Variants in MLLT10 observed in about 807,000 individuals in gnomAD.
The protein encoded by MLLT10 is MLLT10 histone lysine methyltransferase DOT1L cofactor, also known as protein AF-10.
Under a neutral mutation model 129.1 loss-of-function variants are expected in MLLT10, and 30 were observed. That is an observed-to-expected ratio of 0.23 (90% CI 0.17 to 0.32). The LOEUF is 0.32. MLLT10 is among the 10% of genes least tolerant of loss of function. The pLI is 1.00. For synonymous variants in MLLT10, 490 were observed against 446.4 expected (o/e 1.10, Z -1.23); for missense variants, 1,119 against 1,268.3 (o/e 0.88, Z 1.79).
intron 18 of MLLT10, among the ~76,000 whole-genome samples, 197 bp downstream of exon 18, chr10:21,733,284 A>G (rs562308613): frequency 6.6e-6 from 1 of 152,318 alleles, no homozygotes; most frequent in South Asian, 2.1e-4. Context: ...ATAATGGTAA[A>G]ATTTACTTAA....
rs182913458 is a variant in MLLT10 at position 21,606,163 on chromosome 10, G to T, written c.406-6185G>T. 5.3e-5 allele frequency among the ~76,000 whole-genome samples: 8 copies of T among 152,266 alleles called. No homozygotes were observed. The East Asian group carries it at 1.5e-3, about 29-fold the overall frequency. On this transcript the variant is annotated intron_variant, in intron 5 of 22. Transcript: ENST00000307729. ...TGTATGTGTTCTGACTGCTGTACCA[G>T]CTGGCTGTTCCCTCATCTCTCTCTA...
intron 3 of MLLT10, among the ~76,000 whole-genome samples, chr10:21,561,062 T>C (rs1255984983): frequency 6.6e-6 from 1 of 152,182 alleles, no homozygotes; most frequent in African/African-American, 2.4e-5. Context: ...TTCGCTCTGT[T>C]GAGAGTCATG....
chr10:21,556,080 A>C (rs1039436934), intron 3 of MLLT10, among the ~76,000 whole-genome samples: 2 of 148,730 alleles, frequency 1.3e-5, no homozygotes, highest in Non-Finnish European at 3.0e-5. Flanking sequence ...GGTTCAGGCA[A>C]TTCTCCTGCC....
At chr10:21,542,705 A>T (rs937968177) in intron 3 of MLLT10, among the ~76,000 whole-genome samples, 5 of 152,312 alleles carry the variant, frequency 3.3e-5, no homozygotes, top group African/African-American at 1.2e-4. Flanking sequence ...CCTGGACAAC[A>T]TAGTGAGACC....
chr10:21,632,905 TA>T lies in MLLT10; in HGVS notation c.699+15700del, dbSNP rs2047131387. Among the ~76,000 whole-genome samples, 3 of 152,320 alleles carry T rather than the reference TA, an allele frequency of 2.0e-5. No individual in the cohort carries two copies. In the South Asian group the frequency reaches 6.2e-4, roughly 32 times the overall value. On this transcript the variant is annotated intron_variant, in intron 8 of 22. Coordinates refer to ENST00000307729, the MANE Select transcript of MLLT10 (RefSeq NM_001195626.3). ...AGTAAACTATGACACAGCAGTATTATAATACATAACCTGATTTTAGAGATTT... is the reference window on the plus strand; with the variant it reads ...AGTAAACTATGACACAGCAGTATTATATACATAACCTGATTTTAGAGATTT...
chr10:21,621,338 A>G (rs1349351122), intron 8 of MLLT10, among the ~76,000 whole-genome samples: 16 of 126,144 alleles, frequency 1.3e-4, no homozygotes, highest in Middle Eastern at 4.9e-3. Flanking sequence ...TCCGCCTTCC[A>G]GGTTCACGCC....
chr10:21,638,270 G>T, intron 8 of MLLT10, among the ~76,000 whole-genome samples: 2 of 96,594 alleles, frequency 2.1e-5, no homozygotes, highest in African/African-American at 4.2e-5. Flanking sequence ...GGGGAGGGGG[G>T]CGGGGGCACT....
At chr10:21,534,605 TTG>T in intron 1 of MLLT10, 38 bp from the exon 2 acceptor site, 1 of 1,588,958 alleles carries the variant, frequency 6.3e-7, no homozygotes, top group South Asian at 1.1e-5. Flanking sequence ...ACTAATCGGC[TTG>T]CATGTGTTTT....
intron 3 of MLLT10, among the ~76,000 whole-genome samples, chr10:21,550,440 T>C (rs2036810636): frequency 6.6e-6 from 1 of 152,226 alleles, no homozygotes; most frequent in Non-Finnish European, 1.5e-5. Flanking sequence ...ATCTTTAGTC[T>C]ATGTTGCTGT....
intron 3 of MLLT10, among the ~76,000 whole-genome samples, chr10:21,562,265 A>G (rs556300668): frequency 5.3e-5 from 8 of 151,832 alleles, no homozygotes; most frequent in Non-Finnish European, 8.8e-5. Context: ...TCTGCCAAAA[A>G]CATTCTTGGG....
intron 8 of MLLT10, chr10:21,625,680 T>C (rs2046361237): frequency 2.6e-6 from 2 of 764,988 alleles, no homozygotes; most frequent in Non-Finnish European, 4.9e-6. Flanking sequence ...TTAGTCTTAT[T>C]CTTCAGAATG....
At chr10:21,603,216 C>G (rs1439453541) in intron 5 of MLLT10, among the ~76,000 whole-genome samples, 1 of 147,484 alleles carries the variant, frequency 6.8e-6, no homozygotes, top group East Asian at 2.0e-4. Context: ...CCGTGCTCGG[C>G]TAATTTTTTT....
intron 9 of MLLT10, among the ~76,000 whole-genome samples, chr10:21,670,003 A>G (rs988474378): frequency 6.6e-6 from 1 of 151,944 alleles, no homozygotes; most frequent in African/African-American, 2.4e-5. Flanking sequence ...AAACTCATGG[A>G]TATGGTCCTC....
chr10:21,548,821 C>T (rs2036514992), intron 3 of MLLT10, among the ~76,000 whole-genome samples: 1 of 151,694 alleles, frequency 6.6e-6, no homozygotes, highest in Non-Finnish European at 1.5e-5. Flanking sequence ...TTCAGGGTAT[C>T]TTGCTTTATT....
In MLLT10 at chr10:21,701,284, A is replaced by ATTT. The variant is rs57132583; in HGVS notation, c.1700-12473_1700-12471dup. 1.9e-3 allele frequency among the ~76,000 whole-genome samples: 230 copies of ATTT among 123,944 alleles called. 3 individuals are homozygous for ATTT. Among genetic ancestry groups the ATTT allele is most frequent in the African/African-American group, 6.6e-3 (223 of 33,748 alleles). 81.3% of individuals were successfully genotyped at this position (123,944 alleles called of 152,430 possible). On this transcript the variant is annotated intron_variant, in intron 13 of 22. Coordinates refer to ENST00000307729, the MANE Select transcript of MLLT10 (RefSeq NM_001195626.3). The stretch of plus-strand genomic sequence containing the variant: ...GAAGAACCAATTTTTCATTTCATTG[A>ATTT]TTTTTTTTTTTTTTTTTGAGAGGGA...
At chr10:21,658,468 A>G (rs1353795150) in intron 9 of MLLT10, among the ~76,000 whole-genome samples, 1 of 152,252 alleles carries the variant, frequency 6.6e-6, no homozygotes, top group African/African-American at 2.4e-5. Flanking sequence ...AATTGTGTGT[A>G]TGGATATACT....
chr10:21,722,318 A>C (rs1384736299), intron 14 of MLLT10, among the ~76,000 whole-genome samples: 1 of 152,178 alleles, frequency 6.6e-6, no homozygotes, highest in Non-Finnish European at 1.5e-5. Context: ...AATGTCATAT[A>C]ATAGGTACTT....
chr10:21,670,956 A>C (rs2131373852), intron 10 of MLLT10: 1 of 384,840 alleles, frequency 2.6e-6, no homozygotes, highest in Non-Finnish European at 4.6e-6. Flanking sequence ...GTTTAACTAG[A>C]TATGGAATAA....
intron 8 of MLLT10, among the ~76,000 whole-genome samples, chr10:21,639,306 C>G (rs2047757402): frequency 6.6e-6 from 1 of 152,162 alleles, no homozygotes; most frequent in Non-Finnish European, 1.5e-5. Context: ...GAGATGGCAT[C>G]AGATTACACA....
Sources: allele counts gnomAD v4.1 joint callset (sites outside exome capture counted in the v4.1 genomes callset), GRCh38; gene constraint gnomAD v4.1.1; transcripts MANE v1.5; gene names NCBI Gene and HGNC (gene_info 2026-07-23, HGNC 2026-07-21).